NEDD4L: variants seen among roughly 807,000 people sequenced by gnomAD.
NEDD4L encodes E3 ubiquitin-protein ligase NEDD4-like.
A neutral mutation model predicts 148.9 loss-of-function variants in NEDD4L; 54 were observed. The ratio of observed to expected loss-of-function variants is 0.36; its 90% CI spans 0.29 to 0.45. NEDD4L has a LOEUF of 0.45. NEDD4L is among the 20% of genes least tolerant of loss of function. The pLI is 1.00. For synonymous variants in NEDD4L, 433 were observed against 440.7 expected (o/e 0.98, Z 0.22); for missense variants, 856 against 1,233.8 (o/e 0.69, Z 4.59).
At chr18:58,339,543 G>T (rs1247369937) in intron 13 of NEDD4L, among the ~76,000 whole-genome samples, 2 of 152,140 alleles carry the variant, frequency 1.3e-5, no homozygotes, top group African/African-American at 2.4e-5. Context: ...TCCATGATCC[G>T]AGTCTTTGTG....
chr18:58,058,153 A>C (rs1048777472), intron 1 of NEDD4L, among the ~76,000 whole-genome samples: 1 of 152,144 alleles, frequency 6.6e-6, no homozygotes, highest in African/African-American at 2.4e-5. Flanking sequence ...TAAAAATACA[A>C]AAATTAGCTG....
chr18:58,235,197 C>T (rs753721560), intron 2 of NEDD4L, among the ~76,000 whole-genome samples: 1 of 152,036 alleles, frequency 6.6e-6, no homozygotes, highest in Non-Finnish European at 1.5e-5. Flanking sequence ...AATTGTATAC[C>T]AGTGAGCTCC....
chr18:58,105,721 A>G (rs1363580298), intron 1 of NEDD4L, among the ~76,000 whole-genome samples: 1 of 152,028 alleles, frequency 6.6e-6, no homozygotes, highest in East Asian at 1.9e-4. Flanking sequence ...TTTGAAGCCA[A>G]CTCCACACAT....
intron 5 of NEDD4L, among the ~76,000 whole-genome samples, chr18:58,276,180 G>T (rs72951147): frequency 0.18 from 25,836 of 145,352 alleles, 2,512 homozygotes; most frequent in Non-Finnish European, 0.18. Flanking sequence ...GATTTAATGT[G>T]CATTTTCTTT....
chr18:58,155,572 C>T (rs2035380953), intron 1 of NEDD4L, among the ~76,000 whole-genome samples: 1 of 152,148 alleles, frequency 6.6e-6, no homozygotes, highest in Non-Finnish European at 1.5e-5. Flanking sequence ...AAAGTTAAAT[C>T]TCATAATGGA....
At chr18:58,165,646 G>T in intron 1 of NEDD4L, 142 bp from the exon 2 acceptor site, 1 of 1,525,706 alleles carries the variant, frequency 6.6e-7, no homozygotes, top group East Asian at 2.5e-5. Context: ...TTCAGTGTAA[G>T]GAAGAATTGC....
chr18:58,179,319 G>T (rs1189270876), intron 2 of NEDD4L, among the ~76,000 whole-genome samples: 1 of 152,164 alleles, frequency 6.6e-6, no homozygotes, highest in Non-Finnish European at 1.5e-5. Flanking sequence ...TCTTGGCCTG[G>T]AATGTCAAAA....
At chr18:58,098,402 C>G (rs1357923159) in intron 1 of NEDD4L, among the ~76,000 whole-genome samples, 1 of 152,134 alleles carries the variant, frequency 6.6e-6, no homozygotes, top group Non-Finnish European at 1.5e-5. Flanking sequence ...TTTCTTCTAT[C>G]AGTTTCTAAG....
intron 5 of NEDD4L, among the ~76,000 whole-genome samples, chr18:58,309,166 G>A (rs1270126382): frequency 1.3e-5 from 2 of 152,152 alleles, no homozygotes; most frequent in Non-Finnish European, 2.9e-5. Context: ...CCTGAGGCCT[G>A]GCCTCAGTTT....
intron 1 of NEDD4L, among the ~76,000 whole-genome samples, chr18:58,148,035 CCT>C (rs1555707228): frequency 6.7e-6 from 1 of 150,322 alleles, no homozygotes; most frequent in East Asian, 1.9e-4. Flanking sequence ...GGAGTCCACC[CCT>C]CTCTCCCCCC....
chr18:58,099,470 T>C (rs906250115), intron 1 of NEDD4L, among the ~76,000 whole-genome samples: 1 of 152,212 alleles, frequency 6.6e-6, no homozygotes, highest in Admixed American at 6.5e-5. Context: ...AGGTTTGGGT[T>C]CTCATGCACA....
In NEDD4L at chr18:58,383,352, G is replaced by C. The variant is rs2146701813; in HGVS notation, c.2426+33G>C. On this transcript the variant is annotated intron_variant, in intron 25 of 30. Transcript: ENST00000400345. ...TACACATATTTACTGCCTTTTCTTT[G>C]AATAATTGAAATGCATGTTTGGTCA... 3 of 1,189,664 alleles carry C rather than the reference G, an allele frequency of 2.5e-6. No homozygotes were observed. In the South Asian group the frequency reaches 4.1e-5, roughly 16 times the overall value. The allele number at this position is 1,189,664 out of a possible 1,614,324, so 73.7% of individuals were successfully genotyped here.
intron 3 of NEDD4L, among the ~76,000 whole-genome samples, chr18:58,245,982 G>A (rs750541345): frequency 2.0e-4 from 31 of 151,522 alleles, no homozygotes; most frequent in Admixed American, 3.3e-4. Flanking sequence ...ACAGGTGTGA[G>A]CCACCGTGCC....
chr18:58,231,551 G>C (rs2045239962), intron 2 of NEDD4L, among the ~76,000 whole-genome samples: 1 of 151,996 alleles, frequency 6.6e-6, no homozygotes, highest in African/African-American at 2.4e-5. Context: ...AGATGTGGCT[G>C]TTATTGACAA....
chr18:58,205,633 G>A (rs1429625255), intron 2 of NEDD4L, among the ~76,000 whole-genome samples: 1 of 151,576 alleles, frequency 6.6e-6, no homozygotes, highest in East Asian at 1.9e-4. Flanking sequence ...CATGTAGGAA[G>A]GCGGATCTTG....
intron 24 of NEDD4L, among the ~76,000 whole-genome samples, chr18:58,381,489 C>T (rs1174836716): frequency 2.0e-5 from 3 of 152,206 alleles, no homozygotes; most frequent in Non-Finnish European, 2.9e-5. Context: ...GAGTGTATTA[C>T]AGGGATTGTG....
intron 1 of NEDD4L, among the ~76,000 whole-genome samples, chr18:58,155,481 C>T (rs486285): frequency 0.48 from 73,590 of 151,974 alleles, 18,019 homozygotes; most frequent in East Asian, 0.63. Context: ...GTTTTTTAGT[C>T]GTTTATCTTG....
chr18:58,355,404 G>A (rs187009956), intron 18 of NEDD4L, among the ~76,000 whole-genome samples: 2 of 152,316 alleles, frequency 1.3e-5, no homozygotes, highest in African/African-American at 4.8e-5. Context: ...TTTTGGTAGA[G>A]TTAAGCTGAA....
intron 1 of NEDD4L, among the ~76,000 whole-genome samples, chr18:58,095,115 GT>G (rs1475187691): frequency 2.0e-5 from 3 of 152,228 alleles, no homozygotes; most frequent in African/African-American, 7.2e-5. Flanking sequence ...TTGTTAAGAG[GT>G]TCTCATTGTT....
Sources: allele counts gnomAD v4.1 joint callset (sites outside exome capture counted in the v4.1 genomes callset), GRCh38; gene constraint gnomAD v4.1.1; transcripts MANE v1.5; gene names NCBI Gene and HGNC (gene_info 2026-07-23, HGNC 2026-07-21).